The following SNUPN variants were observed in gnomAD, a reference collection of about 807,000 sequenced individuals.
SNUPN encodes snurportin-1.
A neutral mutation model predicts 39.2 loss-of-function variants in SNUPN; 31 were observed. The ratio of observed to expected loss-of-function variants is 0.79; its 90% CI spans 0.59 to 1.07. The LOEUF (loss-of-function observed/expected upper bound fraction) is 1.07. Among genes scored for constraint, SNUPN ranks in the 50% least tolerant of loss-of-function variants. SNUPN has a pLI of 0.00. For synonymous variants in SNUPN, 132 were observed against 159.0 expected (o/e 0.83, Z 1.28); for missense variants, 382 against 434.2 (o/e 0.88, Z 1.07).
At chr15:75,622,527 C>T in intron 1 of SNUPN, 14 of 977,166 alleles carry the variant, frequency 1.4e-5, no homozygotes, top group Non-Finnish European at 1.7e-5. Context: ...TGAATTCACA[C>T]TTCATTCAAG....
chr15:75,620,756 C>T, intron 2 of SNUPN, 138 bp downstream of exon 2: 2 of 762,046 alleles, frequency 2.6e-6, no homozygotes, highest in Non-Finnish European at 2.1e-6. Context: ...ATTTACCCCT[C>T]CCAACCTGTG....
At chr15:75,605,511 GAGT>G in intron 6 of SNUPN, 1 of 275,600 alleles carries the variant, frequency 3.6e-6, no homozygotes, top group Non-Finnish European at 7.0e-6. Context: ...ATGTTGGCCA[GAGT>G]GGTCTCCATC....
At chr15:75,608,658 A>C (rs1892690833) in intron 5 of SNUPN, among the ~76,000 whole-genome samples, 1 of 152,154 alleles carries the variant, frequency 6.6e-6, no homozygotes, top group Non-Finnish European at 1.5e-5. Flanking sequence ...TCTCTCAGAG[A>C]CGTTTCCCCC....
In SNUPN at chr15:75,610,059, A is replaced by G. The variant is rs1218659915; in HGVS notation, c.304-65T>C. The G allele has an allele frequency of 1.8e-5, 22 of 1,220,228 alleles. No individual in the cohort carries two copies. In the Middle Eastern group the frequency reaches 2.1e-3, roughly 115 times the overall value. The allele number at this position is 1,220,228 out of a possible 1,614,324, so 75.6% of individuals were successfully genotyped here. Reference sequence around the variant, plus strand: ...GTGCTACTCGAAAGTCTGCAATGACAAGGCATTAATATCCTGTGTGTATAT... The same window carrying G: ...GTGCTACTCGAAAGTCTGCAATGACGAGGCATTAATATCCTGTGTGTATAT... On this transcript the variant is annotated intron_variant, in intron 3 of 8. Transcript: ENST00000308588.
chr15:75,607,416 C>G, intron 5 of SNUPN, 103 bp from the exon 6 acceptor site: 2 of 756,056 alleles, frequency 2.6e-6, no homozygotes, highest in Non-Finnish European at 4.8e-6. Context: ...GTCCAACAAT[C>G]CTCAGTGCTT....
intron 7 of SNUPN, among the ~76,000 whole-genome samples, chr15:75,604,524 GC>G (rs1240223978): frequency 6.6e-6 from 1 of 152,138 alleles, no homozygotes; most frequent in African/African-American, 2.4e-5. Context: ...CTAATAAAAT[GC>G]CCTGAAAATA....
At chr15:75,601,059 A>C (rs2075281704) in intron 8 of SNUPN, 79 bp downstream of exon 8, 3 of 1,037,124 alleles carry the variant, frequency 2.9e-6, no homozygotes, top group Non-Finnish European at 4.6e-6. Flanking sequence ...CAATCAAGGA[A>C]TATTTTAAGA....
chr15:75,610,124 A>G (rs1892740071), intron 3 of SNUPN, 130 bp from the exon 4 acceptor site: 1 of 714,190 alleles, frequency 1.4e-6, no homozygotes, highest in African/African-American at 1.8e-5. Context: ...AGAGCCGGGC[A>G]CGGGGGCTCA....
chr15:75,623,208 G>A (rs1001542577), intron 1 of SNUPN, among the ~76,000 whole-genome samples: 25 of 152,050 alleles, frequency 1.6e-4, no homozygotes, highest in African/African-American at 5.5e-4. Context: ...ACAATGGCAC[G>A]ATCTTGGCTC....
At chr15:75,614,284 T>C (rs1018943654) in intron 3 of SNUPN, among the ~76,000 whole-genome samples, 45 of 151,768 alleles carry the variant, frequency 3.0e-4, no homozygotes, top group African/African-American at 9.9e-4. Context: ...GAGTGAGACT[T>C]CATCTCGAAA....
chr15:75,626,133 A>C (rs1893222484), upstream of SNUPN: 1 of 152,258 alleles, frequency 6.6e-6, no homozygotes, highest in Non-Finnish European at 1.5e-5. Flanking sequence ...GTGCTCTTAA[A>C]CGGGCAGTGC....
chr15:75,621,971 G>A (rs1161868944), intron 1 of SNUPN, among the ~76,000 whole-genome samples: 2 of 152,218 alleles, frequency 1.3e-5, no homozygotes, highest in African/African-American at 2.4e-5. Flanking sequence ...GGGAGGCGGA[G>A]GTTGCAGTGA....
intron 7 of SNUPN, 48 bp from the exon 8 acceptor site, chr15:75,601,266 G>A: frequency 2.3e-6 from 3 of 1,299,146 alleles, no homozygotes; most frequent in East Asian, 4.7e-5. Flanking sequence ...AAATGATACT[G>A]GCCCAAGCAA....
intron 2 of SNUPN, among the ~76,000 whole-genome samples, chr15:75,618,405 G>C (rs1023957415): frequency 3.0e-4 from 45 of 151,954 alleles, no homozygotes; most frequent in African/African-American, 9.9e-4. Context: ...CCTTTCTCCA[G>C]TTCCTGTCTA....
Position 75,609,736 on chromosome 15 carries a change from G to T in SNUPN, c.409-85C>A. ...TCCTCATTCTGCAGGAATGTTACTC[G>T]ACCAAAGATGGCTCTCAACAAACCT... On this transcript the variant is annotated intron_variant, in intron 4 of 8. Coordinates refer to ENST00000308588, the MANE Select transcript of SNUPN (RefSeq NM_005701.4). The T allele has an allele frequency of 2.5e-6, 3 of 1,189,892 alleles. No homozygotes were observed. In the South Asian group the frequency reaches 4.1e-5, roughly 16 times the overall value. 73.7% of individuals were successfully genotyped at this position (1,189,892 alleles called of 1,614,324 possible). A position where few individuals can be genotyped will look rare whatever the true frequency, so the allele number is the denominator to read the frequency against.
intron 2 of SNUPN, among the ~76,000 whole-genome samples, chr15:75,619,200 C>T (rs1052751284): frequency 1.3e-5 from 2 of 151,564 alleles, no homozygotes; most frequent in South Asian, 2.1e-4. Context: ...GGTGTGGTGG[C>T]CTGCACCAGT....
intron 3 of SNUPN, among the ~76,000 whole-genome samples, chr15:75,613,007 TA>T (rs1368200451): frequency 2.0e-5 from 3 of 151,662 alleles, no homozygotes; most frequent in Non-Finnish European, 4.4e-5. Flanking sequence ...AAAAGATAAA[TA>T]ACTCAATTAA....
chr15:75,623,301 C>T (rs1033412701), intron 1 of SNUPN, among the ~76,000 whole-genome samples: 9 of 140,784 alleles, frequency 6.4e-5, no homozygotes, highest in Admixed American at 2.1e-4. Context: ...CCCGCCACCA[C>T]GCCCGGCTAA....
intron 3 of SNUPN, among the ~76,000 whole-genome samples, chr15:75,616,998 A>AC: frequency 6.6e-6 from 1 of 152,238 alleles, no homozygotes; most frequent in South Asian, 2.1e-4. Context: ...GAAAGACTCT[A>AC]CCACCCAGGG....
Sources: allele counts gnomAD v4.1 joint callset (sites outside exome capture counted in the v4.1 genomes callset), GRCh38; gene constraint gnomAD v4.1.1; transcripts MANE v1.5; gene names NCBI Gene and HGNC (gene_info 2026-07-23, HGNC 2026-07-21).